Variants in VKORC1L1 observed in about 807,000 individuals in gnomAD.
VKORC1L1 encodes the protein vitamin K epoxide reductase complex subunit 1L1.
VKORC1L1 carries 2 observed loss-of-function variants against 18.9 expected under a neutral mutation model. That is an observed-to-expected ratio of 0.11 (90% CI 0.04 to 0.33). The LOEUF (loss-of-function observed/expected upper bound fraction) is 0.33. VKORC1L1 is among the 10% of genes least tolerant of loss of function. The pLI is 1.00. For missense variants in VKORC1L1, 123 were observed against 224.1 expected (o/e 0.55, Z 2.88); for synonymous variants, 96 against 100.0 (o/e 0.96, Z 0.24).
At position 65,873,430 on chromosome 7, in the gene VKORC1L1, A is replaced by G. The variant is rs775010017; in HGVS notation, c.59A>G (p.Tyr20Cys). 1.5e-5 allele frequency: 24 copies of G among 1,585,646 alleles called. No individual in the cohort carries two copies. In the South Asian group the frequency reaches 2.6e-4, roughly 17 times the overall value. Residue 20 changes from tyrosine (Y) to cysteine (C), a missense_variant, in exon 1 of 3, where the codon TAT (tyrosine) becomes TGT (cysteine). Physicochemically the swap from Tyr to Cys is radical, Grantham distance 194. This residue lies in a region of VKORC1L1 where 60 missense variants were observed against 76.9 expected (regional missense o/e 0.78). Transcript: ENST00000360768. The stretch of plus-strand genomic sequence containing the variant: ...CCGCGGTGGGAGCGGGTGGCCCGGT[A>G]TGCAGTGTGCGCTGCCGGAATCCTG... ...SVPRWERVARYAVCAAGILLS... is the reference protein window; with the variant it reads ...SVPRWERVARCAVCAAGILLS...
intron 1 of VKORC1L1, among the ~76,000 whole-genome samples, chr7:65,947,859 T>A (rs1790148404): frequency 6.6e-6 from 1 of 151,790 alleles, no homozygotes; most frequent in Admixed American, 6.6e-5. Context: ...TCCGGCTAAT[T>A]TTTTGTATTT....
Position 65,954,306 on chromosome 7 carries a change from G to A in VKORC1L1, c.*6G>A, listed in dbSNP as rs768638330. On this transcript the variant is annotated 3_prime_UTR_variant, in exon 3 of 3. Coordinates refer to ENST00000360768, the MANE Select transcript of VKORC1L1 (RefSeq NM_173517.6). ...TGCAACCCAAGCAGGACTGACGCCC[G>A]ACAGACTCCACCCTAACAGTCTCAA... 17 of 1,613,784 alleles carry A rather than the reference G, an allele frequency of 1.1e-5. No individual in the cohort carries two copies. The highest frequency in any genetic ancestry group is 8.0e-5 in the African/African-American group (6 of 74,888).
chr7:65,919,607 G>T (rs765941948), intron 1 of VKORC1L1, among the ~76,000 whole-genome samples: 1 of 151,776 alleles, frequency 6.6e-6, no homozygotes, highest in South Asian at 2.1e-4. Flanking sequence ...ATATATCCTG[G>T]GCCTAACCAG....
intron 1 of VKORC1L1, among the ~76,000 whole-genome samples, chr7:65,879,072 TAGACA>T (rs1410253947): frequency 1.3e-5 from 2 of 152,120 alleles, no homozygotes; most frequent in African/African-American, 4.8e-5. Flanking sequence ...GTTTGACACA[TAGACA>T]AACATCCACG....
At chr7:65,883,387 A>G (rs2116338308) in intron 1 of VKORC1L1, among the ~76,000 whole-genome samples, 1 of 152,090 alleles carries the variant, frequency 6.6e-6, no homozygotes, top group South Asian at 2.1e-4. Context: ...CTGACCTCAA[A>G]TGATCCACCC....
At chr7:65,866,989 C>T in the VKORC1L1 span, among the ~76,000 whole-genome samples, 1 of 152,068 alleles carries the variant, frequency 6.6e-6, no homozygotes, top group Non-Finnish European at 1.5e-5. Flanking sequence ...CAGATGAAGA[C>T]CATCCTGGCC....
intron 1 of VKORC1L1, among the ~76,000 whole-genome samples, chr7:65,935,694 A>G (rs1035664723): frequency 6.6e-6 from 1 of 152,104 alleles, no homozygotes; most frequent in African/African-American, 2.4e-5. Context: ...GGATGCTTTC[A>G]AGGGCTTTTC....
At chr7:65,880,472 T>C (rs1441046522) in intron 1 of VKORC1L1, among the ~76,000 whole-genome samples, 7 of 150,892 alleles carry the variant, frequency 4.6e-5, no homozygotes, top group Non-Finnish European at 1.0e-4. Context: ...CAGGTTAGCC[T>C]AGGGAGGAAG....
chr7:65,908,477 C>G (rs1407065752), intron 1 of VKORC1L1, among the ~76,000 whole-genome samples: 1 of 151,916 alleles, frequency 6.6e-6, no homozygotes, highest in East Asian at 1.9e-4. Context: ...GACACAAATT[C>G]AAAATGCAAG....
chr7:65,883,136 C>CTTTTT (rs34906605), intron 1 of VKORC1L1, among the ~76,000 whole-genome samples: 16 of 109,580 alleles, frequency 1.5e-4, no homozygotes, highest in Admixed American at 1.9e-4. Flanking sequence ...TACATTTGAG[C>CTTTTT]TTTTTTTTTT....
At position 65,958,383 on chromosome 7, in the gene VKORC1L1, C is replaced by T. The variant is rs1248447422; in HGVS notation, c.*4083C>T. The T allele has an allele frequency of 6.6e-6, 1 of 152,172 alleles. No individual in the cohort carries two copies. The highest frequency in any genetic ancestry group is 1.5e-5 in the Non-Finnish European group (1 of 68,044). The allele number at this position is 152,172 out of a possible 1,614,324, so 9.4% of individuals were successfully genotyped here. ...GTAAACAGTCATTTAAAATGGAGTT[C>T]ACTGGGCAGGTTTCCCCTTTAATCT... On this transcript the variant is annotated 3_prime_UTR_variant, in exon 3 of 3. Transcript: ENST00000360768.
At chr7:65,939,198 A>G (rs1259803744) in intron 1 of VKORC1L1, among the ~76,000 whole-genome samples, 1 of 152,052 alleles carries the variant, frequency 6.6e-6, no homozygotes, top group Non-Finnish European at 1.5e-5. Flanking sequence ...GATGACCACG[A>G]CTCCGTGGAT....
At chr7:65,904,554 T>C (rs551321725) in intron 1 of VKORC1L1, among the ~76,000 whole-genome samples, 1 of 152,280 alleles carries the variant, frequency 6.6e-6, no homozygotes, top group South Asian at 2.1e-4. Flanking sequence ...ATACTTCACC[T>C]GGAAGGCAGA....
chr7:65,935,720 G>C (rs1381347490), intron 1 of VKORC1L1, among the ~76,000 whole-genome samples: 1 of 152,104 alleles, frequency 6.6e-6, no homozygotes, highest in African/African-American at 2.4e-5. Flanking sequence ...TTGGTTTTTA[G>C]TAGTTTGGTT....
intron 1 of VKORC1L1, among the ~76,000 whole-genome samples, chr7:65,946,592 C>T (rs1191942112): frequency 6.6e-6 from 1 of 152,080 alleles, no homozygotes; most frequent in Non-Finnish European, 1.5e-5. Flanking sequence ...TAGAGTTTCC[C>T]CTTCTAATTT....
chr7:65,916,302 C>A (rs1258528281), intron 1 of VKORC1L1, among the ~76,000 whole-genome samples: 2 of 151,984 alleles, frequency 1.3e-5, no homozygotes, highest in East Asian at 3.9e-4. Flanking sequence ...ATTAGAAAGT[C>A]ATAGAATTTA....
chr7:65,895,894 CTTTTTTTT>C (rs899804086), intron 1 of VKORC1L1, among the ~76,000 whole-genome samples: 1 of 113,280 alleles, frequency 8.8e-6, no homozygotes, highest in Non-Finnish European at 1.8e-5. Context: ...TATCTCACTT[CTTTTTTTT>C]TTTTTTTTTT....
At chr7:65,940,174 G>A (rs1583862165) in intron 1 of VKORC1L1, among the ~76,000 whole-genome samples, 1 of 151,964 alleles carries the variant, frequency 6.6e-6, no homozygotes, top group African/African-American at 2.4e-5. Context: ...ACAGGTGTGT[G>A]CCACCACACC....
chr7:65,904,610 A>G (rs539342163), intron 1 of VKORC1L1, among the ~76,000 whole-genome samples: 2 of 152,336 alleles, frequency 1.3e-5, no homozygotes, highest in South Asian at 4.1e-4. Context: ...CAACTACCAT[A>G]AAAATTAAAG....
Sources: gnomAD v4.1 joint callset for allele counts (sites outside exome capture counted in the v4.1 genomes callset) on GRCh38, gnomAD v4.1.1 for gene constraint, gnomAD v4.1.1 regional missense constraint, MANE v1.5 for transcripts, NCBI Gene and HGNC (gene_info 2026-07-23, HGNC 2026-07-21) for gene names.